DYSF: variants seen among roughly 807,000 people sequenced by gnomAD.
DYSF encodes the protein dystrophy-associated fer-1-like 1.
A neutral mutation model predicts 274.9 loss-of-function variants in DYSF; 212 were observed. The ratio of observed to expected loss-of-function variants is 0.77; its 90% CI spans 0.69 to 0.86. DYSF has a LOEUF of 0.86. DYSF is among the 40% of genes least tolerant of loss of function. The probability of loss-of-function intolerance (pLI) is 0.00; values close to 1 mark genes in which losing one functional copy is unlikely to be tolerated. For missense variants in DYSF, 2,666 were observed against 2,783.2 expected (o/e 0.96, Z 0.95); for synonymous variants, 1,091 against 1,078.7 (o/e 1.01, Z -0.22).
At chr2:71,646,964 A>G (rs1404772757) in intron 42 of DYSF, among the ~76,000 whole-genome samples, 1 of 152,142 alleles carries the variant, frequency 6.6e-6, no homozygotes, top group Admixed American at 6.5e-5. Context: ...AACAAAATAG[A>G]GAGTTTTATA....
intron 17 of DYSF, among the ~76,000 whole-genome samples, chr2:71,539,882 T>C (rs2089760897): frequency 1.3e-5 from 2 of 152,200 alleles, no homozygotes; most frequent in African/African-American, 4.8e-5. Context: ...TAAAAGTTCT[T>C]CTATAATACA....
intron 32 of DYSF, among the ~76,000 whole-genome samples, chr2:71,591,708 G>A (rs2093270987): frequency 6.6e-6 from 1 of 152,260 alleles, no homozygotes; most frequent in South Asian, 2.1e-4. Flanking sequence ...CCATGGGAGT[G>A]ACTTCCTGGT....
intron 10 of DYSF, among the ~76,000 whole-genome samples, chr2:71,517,522 G>A (rs142231169): frequency 6.8e-4 from 104 of 152,230 alleles, no homozygotes; most frequent in African/African-American, 2.5e-3. Context: ...GTCACACCGA[G>A]TTCATCCCAA....
intron 54 of DYSF, among the ~76,000 whole-genome samples, chr2:71,681,865 C>T (rs1335126245): frequency 1.3e-5 from 2 of 152,236 alleles, no homozygotes; most frequent in African/African-American, 2.4e-5. Flanking sequence ...TGCCTGAGTG[C>T]CATGGGGCTG....
rs144383140 is a variant in DYSF, at chr2:71,660,630, C to G, written c.4982C>G (p.Thr1661Arg). The change falls in exon 45 of 56, where the codon ACG (threonine) becomes AGG (arginine). Residue 1661 changes from threonine (T) to arginine (R), a missense_variant. Around this residue, in one of 3 missense-constraint regions of DYSF, gnomAD observed 1,460 missense variants for 1,502.1 expected, o/e 0.97. Transcript: ENST00000410020. ...GACCAGGATAACTACATCCCCTGCA[C>G]GCTGGAGCCCGTATTTGGAAAGTAA... ...VSDQDNYIPC[T>R]LEPVFGKMFE... 5.6e-6 allele frequency: 9 copies of G among 1,613,910 alleles called. No individual in the cohort carries two copies. Among genetic ancestry groups the G allele is most frequent in the Non-Finnish European group, 7.6e-6 (9 of 1,179,904 alleles).
chr2:71,598,477 C>A, intron 32 of DYSF, 87 bp from the exon 33 acceptor site: 1 of 1,504,856 alleles, frequency 6.6e-7, no homozygotes, highest in Non-Finnish European at 9.1e-7. Flanking sequence ...CCTGCTCCAG[C>A]TTTGTGGCCC....
intron 41 of DYSF, among the ~76,000 whole-genome samples, chr2:71,643,108 G>T (rs1423302731): frequency 6.6e-6 from 1 of 152,082 alleles, no homozygotes; most frequent in Non-Finnish European, 1.5e-5. Flanking sequence ...AGGGAGCTTG[G>T]TGACCCTCTA....
chr2:71,669,260 C>T, intron 50 of DYSF, 53 bp downstream of exon 50: 2 of 1,460,298 alleles, frequency 1.4e-6, no homozygotes, highest in Non-Finnish European at 1.9e-6. Flanking sequence ...TCCCGTGCTC[C>T]CTCTGGGTTG....
intron 14 of DYSF, among the ~76,000 whole-genome samples, chr2:71,530,330 G>A (rs951622675): frequency 6.6e-6 from 1 of 152,200 alleles, no homozygotes; most frequent in Non-Finnish European, 1.5e-5. Context: ...GTATTTCGAT[G>A]GTGGCTAGAA....
At position 71,456,295 on chromosome 2, in the gene DYSF, C is replaced by T. The variant is rs138306675; in HGVS notation, c.88+2209C>T. 8.1e-4 allele frequency among the ~76,000 whole-genome samples: 123 copies of T among 152,294 alleles called. 2 individuals carry two copies. The highest frequency in any genetic ancestry group is 3.7e-3 in the South Asian group (18 of 4,826). On this transcript the variant is annotated intron_variant, in intron 1 of 54. Coordinates refer to the DYSF transcript ENST00000258104. ...CCCCACCCCTGGTCATCACTGAAAC[C>T]GCCAGGCAGTCCTGGGGAATGCAGT...
At chr2:71,498,500 C>T (rs955752618) in intron 3 of DYSF, among the ~76,000 whole-genome samples, 2 of 152,158 alleles carry the variant, frequency 1.3e-5, no homozygotes, top group Non-Finnish European at 2.9e-5. Context: ...TGAAAAATAC[C>T]TCAAACACCA....
At chr2:71,485,273 T>C (rs1573438379) in intron 3 of DYSF, among the ~76,000 whole-genome samples, 1 of 152,194 alleles carries the variant, frequency 6.6e-6, no homozygotes, top group East Asian at 1.9e-4. Flanking sequence ...TTTGGCTCCA[T>C]GGCTGGGCAT....
chr2:71,555,815 C>A, intron 21 of DYSF, 150 bp from the exon 22 acceptor site: 1 of 695,012 alleles, frequency 1.4e-6, no homozygotes. Context: ...CAGGATAGAC[C>A]CTGGTTTGTT....
At chr2:71,470,411 G>A (rs1354083675) in intron 1 of DYSF, among the ~76,000 whole-genome samples, 2 of 152,074 alleles carry the variant, frequency 1.3e-5, no homozygotes, top group Non-Finnish European at 2.9e-5. Context: ...GGTGGCTCAC[G>A]CCTGTAATCC....
intron 16 of DYSF, 80 bp from the exon 17 acceptor site, chr2:71,539,077 C>A: frequency 1.5e-6 from 2 of 1,306,386 alleles, no homozygotes; most frequent in Non-Finnish European, 2.2e-6. Flanking sequence ...GATGTGTAAC[C>A]GAGGCCGCAT....
chr2:71,543,875 TGGGGAGAGGGAGAGGGAGAGGGAGACC>T (rs1187111972), intron 17 of DYSF, among the ~76,000 whole-genome samples: 1 of 96,374 alleles, frequency 1.0e-5, no homozygotes, highest in African/African-American at 4.8e-5. Flanking sequence ...AGGGAGACCG[TGGGGAGAGGGAGAGGGAGAGGGAGACC>T]GTGGGGAGAG....
At chr2:71,516,459 G>A (rs1050409108) in intron 9 of DYSF, among the ~76,000 whole-genome samples, 18 of 152,210 alleles carry the variant, frequency 1.2e-4, no homozygotes, top group African/African-American at 4.1e-4. Context: ...TCACAGTCAG[G>A]CTCTACGGGT....
intron 30 of DYSF, among the ~76,000 whole-genome samples, chr2:71,580,437 G>A (rs931349346): frequency 6.6e-6 from 1 of 152,226 alleles, no homozygotes; most frequent in African/African-American, 2.4e-5. Context: ...GTCTTGAGCT[G>A]GCTGAAAAGG....
At chr2:71,473,345 C>T (rs1228422903) in intron 1 of DYSF, among the ~76,000 whole-genome samples, 2 of 152,186 alleles carry the variant, frequency 1.3e-5, no homozygotes, top group Non-Finnish European at 2.9e-5. Context: ...CTGTCACTTT[C>T]TTGGTCTTAT....
Sources: gnomAD v4.1 joint callset for allele counts (sites outside exome capture counted in the v4.1 genomes callset) on GRCh38, gnomAD v4.1.1 for gene constraint, gnomAD v4.1.1 regional missense constraint, MANE v1.5 for transcripts, NCBI Gene and HGNC (gene_info 2026-07-23, HGNC 2026-07-21) for gene names.